Variants in RPS29 observed in about 807,000 individuals in gnomAD.
RPS29 encodes small ribosomal subunit protein uS14.
For missense variants in RPS29, 60 were observed against 75.7 expected (o/e 0.79, Z 0.77); for synonymous variants, 37 against 26.9 (o/e 1.37, Z -1.16).
chr14:49,585,942 A>C lies in RPS29; in HGVS notation c.162+8T>G, dbSNP rs1317339271. 15 of 1,609,634 alleles carry C rather than the reference A, an allele frequency of 9.3e-6. No individual in the cohort carries two copies. The highest frequency in any genetic ancestry group is 1.3e-5 in the Non-Finnish European group (15 of 1,176,518). The stretch of plus-strand genomic sequence containing the variant: ...CAAACAACATGGAGTACGCCTGCAG[A>C]CGCCTACCTTAATGAAACCGATATC... On this transcript the variant is annotated splice_region_variant and intron_variant, in intron 2 of 2. Transcript: ENST00000245458.
chr14:49,598,623 A>G (rs1411764377), exon 1 of RPS29: 2 of 701,308 alleles, frequency 2.9e-6, no homozygotes, highest in Admixed American at 2.0e-5. Context: ...CTCGGGAAAC[A>G]GCGGCCCGAC....
At chr14:49,588,525 TG>T (rs750815678), upstream of RPS29, among the ~76,000 whole-genome samples, 9 of 148,492 alleles carry the variant, frequency 6.1e-5, no homozygotes, top group Non-Finnish European at 9.0e-5. Context: ...TGTTTTGTTT[TG>T]TTTTTTTTCC....
At chr14:49,573,430 A>T (rs1881104354) in exon 3 of RPS29, 1 of 149,596 alleles carries the variant, frequency 6.7e-6, no homozygotes, top group Admixed American at 6.7e-5. Flanking sequence ...CCAAGATGGC[A>T]CCACTGCACT....
chr14:49,588,972 A>G (rs1594576391), upstream of RPS29, among the ~76,000 whole-genome samples: 1 of 144,526 alleles, frequency 6.9e-6, no homozygotes, highest in Non-Finnish European at 1.5e-5. Flanking sequence ...GCCCACTGCA[A>G]GCTCCGCCTC....
rs60555753 is a variant in RPS29 at position 49,578,559 on chromosome 14, C to CTTTTTTTTTTTT, written c.163-718_163-707dup. Among the ~76,000 whole-genome samples the CTTTTTTTTTTTT allele has an allele frequency of 1.7e-4, 18 of 103,460 alleles. 2 individuals carry two copies. Among genetic ancestry groups the CTTTTTTTTTTTT allele is most frequent in the African/African-American group, 2.7e-4 (7 of 26,022 alleles). The allele number at this position is 103,460 out of a possible 152,430, so 67.9% of individuals were successfully genotyped here. A position where few individuals can be genotyped will look rare whatever the true frequency, so the allele number is the denominator to read the frequency against. On this transcript the variant is annotated intron_variant, in intron 2 of 2. Transcript: ENST00000396020. ...CTACCAATATTTACCAAAGCTTTCA[C>CTTTTTTTTTTTT]TTTTTTTTTTTTTTTTTTTGAGACA...
At chr14:49,583,231 T>C (rs1415898708), downstream of RPS29, among the ~76,000 whole-genome samples, 1 of 152,140 alleles carries the variant, frequency 6.6e-6, no homozygotes, top group Non-Finnish European at 1.5e-5. Flanking sequence ...ACAAGTTTAT[T>C]GAGAAGGTAA....
At chr14:49,590,707 T>C (rs1881692372), upstream of RPS29, among the ~76,000 whole-genome samples, 1 of 152,032 alleles carries the variant, frequency 6.6e-6, no homozygotes, top group Non-Finnish European at 1.5e-5. Flanking sequence ...TTTTTTCTTT[T>C]TGAGACGGAG....
chr14:49,579,005 G>A (rs1881264730), downstream of RPS29, among the ~76,000 whole-genome samples: 1 of 152,130 alleles, frequency 6.6e-6, no homozygotes, highest in Admixed American at 6.6e-5. Context: ...TGTAAAATGG[G>A]GACGGTACCT....
At chr14:49,579,446 A>G (rs924797729), downstream of RPS29, among the ~76,000 whole-genome samples, 4 of 152,244 alleles carry the variant, frequency 2.6e-5, no homozygotes, top group African/African-American at 9.6e-5. Context: ...TCACACATGT[A>G]GTCCTAGCAT....
chr14:49,576,081 T>A (rs1036075294), exon 3 of RPS29: 3 of 151,878 alleles, frequency 2.0e-5, no homozygotes, highest in African/African-American at 7.3e-5. Flanking sequence ...GAGCCTTTTA[T>A]GTTCTACATT....
chr14:49,591,391 C>A (rs1049554743), intron 1 of RPS29, among the ~76,000 whole-genome samples: 11 of 151,960 alleles, frequency 7.2e-5, no homozygotes, highest in Non-Finnish European at 1.5e-4. Context: ...CAGCTCAGGG[C>A]AACCTCCACC....
At chr14:49,583,713 T>C in intron 2 of RPS29, 38 bp from the exon 3 acceptor site, 1 of 1,202,996 alleles carries the variant, frequency 8.3e-7, no homozygotes, top group Non-Finnish European at 1.2e-6. Flanking sequence ...TTCAAAATGC[T>C]TTAAATCTCT....
intron 2 of RPS29, chr14:49,577,922 G>C (rs1250971761): frequency 1.7e-5 from 19 of 1,104,862 alleles, no homozygotes; most frequent in Non-Finnish European, 2.6e-5. Flanking sequence ...CAATAAATTT[G>C]TACTGCATGC....
downstream of RPS29, among the ~76,000 whole-genome samples, chr14:49,580,053 TACAC>T (rs752345641): frequency 5.1e-4 from 77 of 152,276 alleles, no homozygotes; most frequent in Middle Eastern, 0.01. Flanking sequence ...CCACCATGTA[TACAC>T]AGGGATAGGA....
downstream of RPS29, among the ~76,000 whole-genome samples, chr14:49,582,025 A>C (rs1422993972): frequency 6.6e-6 from 1 of 151,798 alleles, no homozygotes; most frequent in Non-Finnish European, 1.5e-5. Flanking sequence ...AAAAAAAAAA[A>C]AAAAAAAAAC....
upstream of RPS29, among the ~76,000 whole-genome samples, chr14:49,588,907 C>T (rs1157659141): frequency 1.1e-5 from 1 of 91,112 alleles, no homozygotes; most frequent in Non-Finnish European, 2.1e-5. Flanking sequence ...TTTTTTGAGA[C>T]GGAGTCTGGA....
Position 49,586,270 on chromosome 14 carries a change from CA to C in RPS29, c.62+14del. 6.2e-7 allele frequency: 1 copy of C among 1,613,250 alleles called. No homozygotes were observed. ...CCACGGCAACGCTTCCCCAAAATCA[CA>C]AACTATTTCTCACCAAGAGCGAGAA... On this transcript the variant is annotated intron_variant, in intron 1 of 2. Coordinates refer to ENST00000245458, the MANE Select transcript of RPS29 (RefSeq NM_001032.5).
At chr14:49,585,669 T>C (rs1241281676) in intron 2 of RPS29, 1 of 446,148 alleles carries the variant, frequency 2.2e-6, no homozygotes, top group Non-Finnish European at 4.0e-6. Context: ...CTAAAGTGAA[T>C]TTCACCAAAC....
chr14:49,598,289 C>A (rs1594580815), intron 1 of RPS29: 1 of 598,982 alleles, frequency 1.7e-6, no homozygotes. Context: ...CAGCCGGGCC[C>A]CGTCCTAGTT....
Sources: allele counts gnomAD v4.1 joint callset (sites outside exome capture counted in the v4.1 genomes callset), GRCh38; gene constraint gnomAD v4.1.1; transcripts MANE v1.5; gene names NCBI Gene and HGNC (gene_info 2026-07-23, HGNC 2026-07-21).